Variants in ZNF207 observed in about 807,000 individuals in gnomAD.
ZNF207 encodes the protein zinc finger protein 207.
A neutral mutation model predicts 60.2 loss-of-function variants in ZNF207; 24 were observed. The ratio of observed to expected loss-of-function variants is 0.40; its 90% CI spans 0.29 to 0.56. ZNF207 has a LOEUF of 0.56. Ranked by LOEUF, ZNF207 falls within the 20% of genes least tolerant of loss-of-function variation. The pLI is 0.49. For synonymous variants in ZNF207, 236 were observed against 194.7 expected, an observed-to-expected ratio of 1.21 and a Z score of -1.77; for missense variants, 452 against 636.6, an observed-to-expected ratio of 0.71 and a Z score of 3.12.
At chr17:32,350,938 G>T (rs2041494674) in intron 1 of ZNF207, 1 of 151,292 alleles carries the variant, frequency 6.6e-6, no homozygotes, top group Admixed American at 6.6e-5. Context: ...ACAGGGCGGA[G>T]TTTCTGTTAC....
intron 1 of ZNF207, chr17:32,350,838 CTTTTTTT>C (rs71362833): frequency 1.5e-5 from 2 of 134,638 alleles, no homozygotes; most frequent in South Asian, 2.3e-4. Flanking sequence ...GGTTTCGAAC[CTTTTTTT>C]TTTTTTTTTT....
Position 32,373,049 on chromosome 17 carries a change from AT to A in ZNF207, c.*3295del. ...ACAAGACCACAGCAGGTAAGGATTA[AT>A]TTTTGAGTGGCTGCTGGAATTACTT... On this transcript the variant is annotated 3_prime_UTR_variant, in exon 12 of 12. Coordinates refer to ENST00000394670, the MANE Select transcript of ZNF207 (RefSeq NM_001098507.2). 1 of 180,168 alleles carries A rather than the reference AT, an allele frequency of 5.6e-6. No homozygotes were observed. The highest frequency in any genetic ancestry group is 1.2e-5 in the Non-Finnish European group (1 of 86,744). 11.2% of individuals were successfully genotyped at this position (180,168 alleles called of 1,614,324 possible).
At chr17:32,361,878 T>TA (rs985755786) in intron 6 of ZNF207, among the ~76,000 whole-genome samples, 2 of 152,180 alleles carry the variant, frequency 1.3e-5, no homozygotes, top group African/African-American at 4.8e-5. Flanking sequence ...AATCTTCTGA[T>TA]AAAAATTTTA....
At position 32,375,106 on chromosome 17, in the gene ZNF207, G is replaced by A. The variant is rs1356390349; in HGVS notation, c.*5347G>A. ...AGCAGTATAGCATTTAGCAAACCTG[G>A]AATTGTTTGTATATGGTTTTCATTC... On this transcript the variant is annotated 3_prime_UTR_variant, in exon 12 of 12. Transcript: ENST00000394670. The A allele has an allele frequency of 6.6e-6, 1 of 152,112 alleles. No homozygotes were observed. The highest frequency in any genetic ancestry group is 1.5e-5 in the Non-Finnish European group (1 of 68,018). 9.4% of individuals were successfully genotyped at this position (152,112 alleles called of 1,614,324 possible). A position where few individuals can be genotyped will look rare whatever the true frequency, so the allele number is the denominator to read the frequency against.
In ZNF207 at chr17:32,377,524, T is replaced by C. The variant is rs1239730450; in HGVS notation, c.*7765T>C. On this transcript the variant is annotated 3_prime_UTR_variant, in exon 12 of 12. Transcript: ENST00000394670. ...ACATGTTTTTAAAATTGAGAATCTC[T>C]GATGTGACAAAATCAATTTTTACAA... The C allele has an allele frequency of 6.6e-6, 1 of 152,030 alleles. No homozygotes were observed. Among genetic ancestry groups the C allele is most frequent in the African/African-American group, 2.4e-5 (1 of 41,446 alleles). 9.4% of individuals were successfully genotyped at this position (152,030 alleles called of 1,614,324 possible).
Position 32,378,099 on chromosome 17 carries a change from T to C in ZNF207, c.*8340T>C, listed in dbSNP as rs183657401. On this transcript the variant is annotated 3_prime_UTR_variant, in exon 12 of 12. Coordinates refer to ENST00000394670, the MANE Select transcript of ZNF207 (RefSeq NM_001098507.2). Reference sequence around the variant, plus strand: ...GTTAGTATAACTAATAATAGATCCATTGGACACTTTAAACACTCAGTACTT... The same window carrying C: ...GTTAGTATAACTAATAATAGATCCACTGGACACTTTAAACACTCAGTACTT... 1 of 152,624 alleles carries C rather than the reference T, an allele frequency of 6.6e-6. No homozygotes were observed. The highest frequency in any genetic ancestry group is 6.5e-5 in the Admixed American group (1 of 15,290). The allele number at this position is 152,624 out of a possible 1,614,324, so 9.5% of individuals were successfully genotyped here.
chr17:32,360,558 TA>T (rs773506144), intron 3 of ZNF207, 39 bp from the exon 4 acceptor site: 1 of 1,536,826 alleles, frequency 6.5e-7, no homozygotes, highest in Non-Finnish European at 8.8e-7. Flanking sequence ...TAAACTTTCT[TA>T]GTTTTTACTC....
intron 2 of ZNF207, among the ~76,000 whole-genome samples, chr17:32,355,341 A>G (rs1904444880): frequency 6.6e-6 from 1 of 152,218 alleles, no homozygotes; most frequent in African/African-American, 2.4e-5. Flanking sequence ...GTGAGCCGTG[A>G]TAGCACTACT....
intron 2 of ZNF207, among the ~76,000 whole-genome samples, chr17:32,352,722 G>A (rs539086883): frequency 6.6e-6 from 1 of 152,250 alleles, no homozygotes; most frequent in East Asian, 1.9e-4. Flanking sequence ...TTAAGAGATG[G>A]CCTTGCTCTG....
rs1330882461 is a variant in ZNF207 at position 32,362,985 on chromosome 17, G to C, written c.670+1G>C. The C allele has an allele frequency of 1.2e-6, 2 of 1,612,400 alleles. No individual in the cohort carries two copies. The highest frequency in any genetic ancestry group is 1.7e-6 in the Non-Finnish European group (2 of 1,179,482). ...CCTCTGATGCCTGGAATGCCACCAG[G>C]TATATGTTAGATAATTTCATTTTAA... On this transcript the variant is annotated splice_donor_variant, in intron 7 of 11. Coordinates refer to ENST00000394670, the MANE Select transcript of ZNF207 (RefSeq NM_001098507.2). LOFTEE classifies it high-confidence loss of function.
In ZNF207 at chr17:32,369,611, G is replaced by A. The variant is rs1451066485; in HGVS notation, c.1337G>A (p.Gly446Asp). ...TTCTTGATTTTAGGTCAGTATGGTG[G>A]TCATCATCAAGGCATGCCAGGATAC... ...PPMPPHGQYG[G>D]HHQGMPGYLP... Residue 446 changes from glycine (G) to aspartate (D), a missense_variant, in exon 12 of 12, where the codon GGT becomes GAT. This residue lies in a region of ZNF207 where 390 missense variants were observed against 461.4 expected (regional missense o/e 0.85). Coordinates refer to ENST00000394670, the MANE Select transcript of ZNF207 (RefSeq NM_001098507.2). 4 of 1,567,360 alleles carry A rather than the reference G, an allele frequency of 2.6e-6. No homozygotes were observed. The highest frequency in any genetic ancestry group is 1.4e-5 in the African/African-American group (1 of 73,400).
rs1312768799 is a variant in ZNF207, at chr17:32,377,606, C to T, written c.*7847C>T. The T allele has an allele frequency of 3.3e-5, 5 of 151,798 alleles. No individual in the cohort carries two copies. The highest frequency in any genetic ancestry group is 6.6e-5 in the Admixed American group (1 of 15,246). 9.4% of individuals were successfully genotyped at this position (151,798 alleles called of 1,614,324 possible). On this transcript the variant is annotated 3_prime_UTR_variant, in exon 12 of 12. Coordinates refer to ENST00000394670, the MANE Select transcript of ZNF207 (RefSeq NM_001098507.2). ...GTCTTTGGGGGTATGTCTACATATT[C>T]GTTTAAATTTAGAAATTCCCACATG...
At chr17:32,365,126 A>G (rs769512146) in intron 7 of ZNF207, among the ~76,000 whole-genome samples, 32 of 152,260 alleles carry the variant, frequency 2.1e-4, no homozygotes, top group Admixed American at 2.6e-4. Context: ...GTCTAGTGTT[A>G]TCTTCCACTT....
chr17:32,369,555 G>A (rs751725190), intron 11 of ZNF207, 44 bp from the exon 12 acceptor site: 14 of 1,574,414 alleles, frequency 8.9e-6, no homozygotes, highest in South Asian at 1.2e-5. Flanking sequence ...AAAGTACAAT[G>A]CGTTAACAAT....
chr17:32,373,363 T>G lies in ZNF207; in HGVS notation c.*3604T>G. ...CATGTCTTTTAAATTAATTGGGAACTGTTTTTCTAAAATTAAAATTTTCTT... is the reference window on the plus strand; with the variant it reads ...CATGTCTTTTAAATTAATTGGGAACGGTTTTTCTAAAATTAAAATTTTCTT... On this transcript the variant is annotated 3_prime_UTR_variant, in exon 12 of 12. Coordinates refer to ENST00000394670, the MANE Select transcript of ZNF207 (RefSeq NM_001098507.2). The G allele has an allele frequency of 1.5e-6, 1 of 667,130 alleles. No homozygotes were observed. The highest frequency in any genetic ancestry group is 2.7e-6 in the Non-Finnish European group (1 of 373,246). 41.3% of individuals were successfully genotyped at this position (667,130 alleles called of 1,614,324 possible).
Position 32,372,643 on chromosome 17 carries a change from T to C in ZNF207, c.*2884T>C, listed in dbSNP as rs1055237093. ...TATAGGCTCAGAGGTGGTGTACCCA[T>C]TTAATATATTTGAAGTGTAATTTTT... On this transcript the variant is annotated 3_prime_UTR_variant, in exon 12 of 12. Transcript: ENST00000394670. 18 of 152,196 alleles carry C rather than the reference T, an allele frequency of 1.2e-4. No individual in the cohort carries two copies. Among genetic ancestry groups the C allele is most frequent in the African/African-American group, 4.3e-4 (18 of 41,450 alleles). The allele number at this position is 152,196 out of a possible 1,614,324, so 9.4% of individuals were successfully genotyped here.
chr17:32,365,976 T>TTCAG (rs1303171539), intron 8 of ZNF207, among the ~76,000 whole-genome samples: 2 of 152,168 alleles, frequency 1.3e-5, no homozygotes, highest in East Asian at 3.8e-4. Flanking sequence ...CTGGTATTTC[T>TTCAG]TACTGGTCTT....
At chr17:32,364,692 C>T (rs953639572) in intron 7 of ZNF207, among the ~76,000 whole-genome samples, 1 of 152,120 alleles carries the variant, frequency 6.6e-6, no homozygotes, top group African/African-American at 2.4e-5. Flanking sequence ...GTTTGCAATC[C>T]ATAGCATATT....
At chr17:32,366,343 T>C (rs144178682) in intron 8 of ZNF207, among the ~76,000 whole-genome samples, 2 of 152,254 alleles carry the variant, frequency 1.3e-5, no homozygotes, top group East Asian at 1.9e-4. Context: ...GAATCATTGA[T>C]ACAGAATTGG....
Sources: allele counts gnomAD v4.1 joint callset (sites outside exome capture counted in the v4.1 genomes callset), GRCh38; gene constraint gnomAD v4.1.1; regional missense constraint gnomAD v4.1.1; transcripts MANE v1.5; gene names NCBI Gene and HGNC (gene_info 2026-07-23, HGNC 2026-07-21).